The following CCBE1 variants were observed in gnomAD, a reference collection of about 807,000 sequenced individuals.
The protein encoded by CCBE1 is collagen and calcium-binding EGF domain-containing protein 1.
In CCBE1, 37 loss-of-function variants were observed where a neutral mutation model predicts 50.0. The observed-to-expected ratio is 0.74, with a 90% CI of 0.57 to 0.97. The LOEUF (loss-of-function observed/expected upper bound fraction) is 0.97. CCBE1 is among the 50% of genes least tolerant of loss of function. The pLI is 0.00. For missense variants in CCBE1, 538 were observed against 523.8 expected (o/e 1.03, Z -0.26); for synonymous variants, 234 against 203.7 (o/e 1.15, Z -1.27).
At chr18:59,674,011 G>A (rs1415972874) in intron 2 of CCBE1, among the ~76,000 whole-genome samples, 1 of 152,184 alleles carries the variant, frequency 6.6e-6, no homozygotes, top group Non-Finnish European at 1.5e-5. Context: ...AGTTTCAGAA[G>A]GAATGGTACC....
intron 5 of CCBE1, among the ~76,000 whole-genome samples, chr18:59,461,792 G>A (rs1290211344): frequency 6.9e-6 from 1 of 145,396 alleles, no homozygotes; most frequent in African/African-American, 2.6e-5. Flanking sequence ...AAGTGCAATG[G>A]TGTGATCTCG....
At chr18:59,580,555 A>G (rs1026555843) in intron 2 of CCBE1, among the ~76,000 whole-genome samples, 1 of 152,222 alleles carries the variant, frequency 6.6e-6, no homozygotes, top group African/African-American at 2.4e-5. Flanking sequence ...AGGGATCAGA[A>G]TCGAAGGTCT....
chr18:59,507,618 C>T (rs1913935676), intron 2 of CCBE1, among the ~76,000 whole-genome samples: 1 of 152,202 alleles, frequency 6.6e-6, no homozygotes, highest in African/African-American at 2.4e-5. Flanking sequence ...GTTTCCTTTG[C>T]TGTCCCCATC....
chr18:59,472,810 A>C (rs1912097939), intron 3 of CCBE1, among the ~76,000 whole-genome samples: 1 of 152,254 alleles, frequency 6.6e-6, no homozygotes, highest in Non-Finnish European at 1.5e-5. Flanking sequence ...AAAGAGGTTT[A>C]ACTGACTCAC....
intron 2 of CCBE1, among the ~76,000 whole-genome samples, chr18:59,690,795 T>G (rs563665284): frequency 1.3e-5 from 2 of 152,322 alleles, no homozygotes; most frequent in East Asian, 3.9e-4. Flanking sequence ...CCTGTTCTTG[T>G]GGGAAGGCGG....
At position 59,561,136 on chromosome 18, in the gene CCBE1, A is replaced by G. The variant is rs114412184; in HGVS notation, c.213-80898T>C. The stretch of plus-strand genomic sequence containing the variant: ...ATGAGCTAAGCTCAGGGCAGTGTAA[A>G]TGATAATCACCAAAAGGGTAACTCC... On this transcript the variant is annotated intron_variant, in intron 2 of 10. Coordinates refer to ENST00000439986, the MANE Select transcript of CCBE1 (RefSeq NM_133459.4). Among the ~76,000 whole-genome samples, 1,014 of 152,344 alleles carry G rather than the reference A, an allele frequency of 6.7e-3. 11 individuals are homozygous for G. The highest frequency in any genetic ancestry group is 0.023 in the African/African-American group (939 of 41,576).
chr18:59,468,743 C>T (rs1339579317), intron 4 of CCBE1, among the ~76,000 whole-genome samples: 7 of 152,196 alleles, frequency 4.6e-5, no homozygotes, highest in Admixed American at 4.6e-4. Flanking sequence ...TTAAATCTCA[C>T]CATGCCTAGG....
At chr18:59,539,546 G>A (rs1461256346) in intron 2 of CCBE1, among the ~76,000 whole-genome samples, 5 of 139,574 alleles carry the variant, frequency 3.6e-5, no homozygotes, top group Non-Finnish European at 7.9e-5. Context: ...AGAAACGAAG[G>A]GCAAGAAACA....
At chr18:59,479,890 G>A (rs1912485101) in intron 3 of CCBE1, among the ~76,000 whole-genome samples, 1 of 152,208 alleles carries the variant, frequency 6.6e-6, no homozygotes, top group Non-Finnish European at 1.5e-5. Flanking sequence ...TTCTAATTGT[G>A]TGTAAAATTA....
chr18:59,674,907 T>G (rs1029756633), intron 2 of CCBE1, among the ~76,000 whole-genome samples: 3 of 152,232 alleles, frequency 2.0e-5, no homozygotes, highest in African/African-American at 7.2e-5. Flanking sequence ...AACATTTAGC[T>G]GTAAAACCTA....
chr18:59,536,128 A>C (rs193107971), intron 2 of CCBE1, among the ~76,000 whole-genome samples: 1 of 152,228 alleles, frequency 6.6e-6, no homozygotes, highest in African/African-American at 2.4e-5. Context: ...TCATTAAAAA[A>C]CCATAATAGG....
Position 59,557,601 on chromosome 18 carries a change from T to C in CCBE1, c.213-77363A>G, listed in dbSNP as rs180728294. 6.6e-5 allele frequency among the ~76,000 whole-genome samples: 10 copies of C among 152,210 alleles called. No homozygotes were observed. The East Asian group carries it at 1.7e-3, about 27-fold the overall frequency. On this transcript the variant is annotated intron_variant, in intron 2 of 10. Transcript: ENST00000439986. ...ACCAGTCAGACGTTTGCATAGGGTGTAGTAACTTTTTAACTTCACTTCAGC... is the reference window on the plus strand; with the variant it reads ...ACCAGTCAGACGTTTGCATAGGGTGCAGTAACTTTTTAACTTCACTTCAGC...
chr18:59,568,404 C>T (rs531757290), intron 2 of CCBE1: 20 of 152,292 alleles, frequency 1.3e-4, no homozygotes, highest in African/African-American at 4.3e-4. Flanking sequence ...CAAGACTTCT[C>T]GAAAGGAGCT....
At chr18:59,628,791 C>T (rs2053818300) in intron 2 of CCBE1, among the ~76,000 whole-genome samples, 1 of 152,120 alleles carries the variant, frequency 6.6e-6, no homozygotes, top group Non-Finnish European at 1.5e-5. Context: ...TACTGAGCTC[C>T]CCAAATCTGC....
At chr18:59,528,345 A>C (rs1011083948) in intron 2 of CCBE1, among the ~76,000 whole-genome samples, 2 of 151,046 alleles carry the variant, frequency 1.3e-5, no homozygotes, top group African/African-American at 4.9e-5. Context: ...TAAACTGCTT[A>C]TTCTGGTTAA....
At chr18:59,468,420 G>A (rs1000036810) in intron 4 of CCBE1, among the ~76,000 whole-genome samples, 2 of 144,288 alleles carry the variant, frequency 1.4e-5, no homozygotes, top group Non-Finnish European at 3.1e-5. Flanking sequence ...TACAGTAGCT[G>A]CTATAAAGTG....
chr18:59,582,556 G>C (rs1323760426), intron 2 of CCBE1, among the ~76,000 whole-genome samples: 1 of 152,108 alleles, frequency 6.6e-6, no homozygotes. Context: ...AAGAACTCAG[G>C]CTCTTCAACT....
chr18:59,645,914 C>T (rs896133330), intron 2 of CCBE1, among the ~76,000 whole-genome samples: 2 of 152,028 alleles, frequency 1.3e-5, no homozygotes. Flanking sequence ...GCCTGTAGTC[C>T]CAGTGACTTG....
intron 7 of CCBE1, among the ~76,000 whole-genome samples, chr18:59,446,835 G>A (rs1910692980): frequency 6.6e-6 from 1 of 152,174 alleles, no homozygotes; most frequent in Admixed American, 6.5e-5. Context: ...ATTTGCATAT[G>A]CTCTATGTGT....
Sources: gnomAD v4.1 joint callset for allele counts (sites outside exome capture counted in the v4.1 genomes callset) on GRCh38, gnomAD v4.1.1 for gene constraint, MANE v1.5 for transcripts, NCBI Gene and HGNC (gene_info 2026-07-23, HGNC 2026-07-21) for gene names.